Variants in FAF1 observed in about 807,000 individuals in gnomAD.
FAF1 encodes the protein Fas associated factor 1, also known as FAS-associated factor 1.
FAF1 carries 25 observed loss-of-function variants against 92.5 expected under a neutral mutation model. The ratio of observed to expected loss-of-function variants is 0.27; its 90% CI spans 0.20 to 0.38. The LOEUF (loss-of-function observed/expected upper bound fraction) is 0.38, where lower values mean the gene tolerates loss of function less well. Ranked by LOEUF, FAF1 falls within the 10% of genes least tolerant of loss-of-function variation. The probability of loss-of-function intolerance (pLI) is 1.00; values close to 1 mark genes in which losing one functional copy is unlikely to be tolerated. For synonymous variants in FAF1, 234 were observed against 273.2 expected (o/e 0.86, Z 1.42); for missense variants, 636 against 793.3 (o/e 0.80, Z 2.38).
intron 9 of FAF1, among the ~76,000 whole-genome samples, chr1:50,588,659 T>TA (rs1212947751): frequency 6.6e-6 from 1 of 152,144 alleles, no homozygotes; most frequent in Non-Finnish European, 1.5e-5. Flanking sequence ...CCTAGACAGT[T>TA]AAGAGTCTGT....
chr1:50,908,651 T>C (rs576050888), intron 1 of FAF1, among the ~76,000 whole-genome samples: 1 of 152,284 alleles, frequency 6.6e-6, no homozygotes, highest in East Asian at 1.9e-4. Context: ...TCTTTTGATC[T>C]TTGTTGGTTT....
At chr1:50,640,015 T>C (rs1011201954) in intron 8 of FAF1, among the ~76,000 whole-genome samples, 1 of 151,960 alleles carries the variant, frequency 6.6e-6, no homozygotes, top group Non-Finnish European at 1.5e-5. Flanking sequence ...AAATTCACCC[T>C]TTTAAAATGT....
At chr1:50,695,269 A>G (rs1215247220) in intron 7 of FAF1, among the ~76,000 whole-genome samples, 1 of 151,730 alleles carries the variant, frequency 6.6e-6, no homozygotes, top group East Asian at 2.0e-4. Context: ...TTAGCCAGGC[A>G]TGGTTGCATG....
chr1:50,859,446 C>T (rs183970298), intron 1 of FAF1, among the ~76,000 whole-genome samples: 1 of 152,006 alleles, frequency 6.6e-6, no homozygotes, highest in East Asian at 1.9e-4. Context: ...AAATCAGTAG[C>T]ATTTCTACAC....
chr1:50,866,182 C>T (rs1270238091), intron 1 of FAF1, among the ~76,000 whole-genome samples: 1 of 151,926 alleles, frequency 6.6e-6, no homozygotes, highest in Non-Finnish European at 1.5e-5. Context: ...GCAAAATCAG[C>T]ATAGAAAGGA....
intron 7 of FAF1, among the ~76,000 whole-genome samples, chr1:50,656,320 A>C (rs1380118815): frequency 6.7e-6 from 1 of 150,312 alleles, no homozygotes; most frequent in African/African-American, 2.5e-5. Context: ...CAACAGAGTG[A>C]GACTCCATCT....
chr1:50,480,441 G>A (rs1188987861), intron 17 of FAF1, among the ~76,000 whole-genome samples: 1 of 152,192 alleles, frequency 6.6e-6, no homozygotes, highest in Admixed American at 6.5e-5. Flanking sequence ...ATAGCTGGCT[G>A]AGGCACAGTG....
intron 2 of FAF1, among the ~76,000 whole-genome samples, chr1:50,828,242 G>T (rs927528560): frequency 6.7e-6 from 1 of 150,160 alleles, no homozygotes; most frequent in African/African-American, 2.4e-5. Context: ...AGAGAAGTAG[G>T]GAAAAAAGGG....
At chr1:50,684,473 G>A (rs376989422) in intron 7 of FAF1, among the ~76,000 whole-genome samples, 2 of 152,022 alleles carry the variant, frequency 1.3e-5, no homozygotes, top group East Asian at 3.9e-4. Context: ...TATCACAGTC[G>A]AGGCATTCAG....
At chr1:50,711,229 A>G (rs1023585679) in intron 6 of FAF1, among the ~76,000 whole-genome samples, 2 of 152,104 alleles carry the variant, frequency 1.3e-5, no homozygotes, top group East Asian at 1.9e-4. Context: ...TTTATTGCAC[A>G]TAAGTTATAA....
chr1:50,634,914 A>C (rs1479052833), intron 8 of FAF1, among the ~76,000 whole-genome samples: 2 of 152,214 alleles, frequency 1.3e-5, no homozygotes, highest in Non-Finnish European at 2.9e-5. Context: ...ACCCTAAGGA[A>C]AATTTAGGAT....
intron 15 of FAF1, among the ~76,000 whole-genome samples, chr1:50,517,760 G>A (rs1315284775): frequency 6.6e-6 from 1 of 152,170 alleles, no homozygotes; most frequent in Non-Finnish European, 1.5e-5. Flanking sequence ...GTCATTAAAT[G>A]CTCTGTGTTA....
intron 1 of FAF1, among the ~76,000 whole-genome samples, chr1:50,879,103 G>A (rs1272719728): frequency 6.6e-6 from 1 of 152,112 alleles, no homozygotes; most frequent in African/African-American, 2.4e-5. Context: ...AAACTTAGCC[G>A]GGTGTATGGT....
intron 8 of FAF1, among the ~76,000 whole-genome samples, chr1:50,632,649 T>C (rs1179264534): frequency 6.6e-6 from 1 of 152,202 alleles, no homozygotes; most frequent in South Asian, 2.1e-4. Flanking sequence ...TGGGGTAGTG[T>C]CTCCGATTCT....
chr1:50,850,594 A>G (rs1054067965), intron 2 of FAF1, among the ~76,000 whole-genome samples: 3 of 152,204 alleles, frequency 2.0e-5, no homozygotes, highest in Non-Finnish European at 4.4e-5. Flanking sequence ...ATAAAAATAT[A>G]AAATATTAAA....
At chr1:50,839,162 G>A (rs12239279) in intron 2 of FAF1, among the ~76,000 whole-genome samples, 4,661 of 151,656 alleles carry the variant, frequency 0.031, 249 homozygotes, top group African/African-American at 0.11. Flanking sequence ...TGCATATTTT[G>A]TTGGCAACTG....
rs796128031 is a variant in FAF1, at chr1:50,585,161, G to A, written c.841-350C>T. On this transcript the variant is annotated intron_variant, in intron 9 of 18. Transcript: ENST00000396153. The stretch of plus-strand genomic sequence containing the variant: ...AAGTCAGAGACAAAGTAAGTTATGC[G>A]TCTCTCAAAAAGCTCACATTAATTT... 3.9e-5 allele frequency among the ~76,000 whole-genome samples: 6 copies of A among 152,264 alleles called. No homozygotes were observed. In the South Asian group the frequency reaches 6.2e-4, roughly 16 times the overall value.
chr1:50,693,058 T>G (rs1657010596), intron 7 of FAF1, among the ~76,000 whole-genome samples: 1 of 152,192 alleles, frequency 6.6e-6, no homozygotes, highest in Non-Finnish European at 1.5e-5. Context: ...GGCACTAAAG[T>G]TTTTAATTTT....
At chr1:50,897,620 A>G (rs1644767612) in intron 1 of FAF1, among the ~76,000 whole-genome samples, 1 of 152,206 alleles carries the variant, frequency 6.6e-6, no homozygotes, top group Non-Finnish European at 1.5e-5. Flanking sequence ...TGTTCACTAT[A>G]AAGTCGACCT....
Sources: gnomAD v4.1 joint callset for allele counts (sites outside exome capture counted in the v4.1 genomes callset) on GRCh38, gnomAD v4.1.1 for gene constraint, MANE v1.5 for transcripts, NCBI Gene and HGNC (gene_info 2026-07-23, HGNC 2026-07-21) for gene names.